Variants in INSYN2A observed in about 807,000 individuals in gnomAD.
INSYN2A encodes family with sequence similarity 196 member A.
A neutral mutation model predicts 39.4 loss-of-function variants in INSYN2A; 17 were observed. The ratio of observed to expected loss-of-function variants is 0.43; its 90% CI spans 0.30 to 0.65. INSYN2A has a LOEUF of 0.65. Among genes scored for constraint, INSYN2A ranks in the 30% least tolerant of loss-of-function variants. The pLI, the probability that INSYN2A is intolerant of heterozygous loss-of-function variation, is 0.14. For synonymous variants in INSYN2A, 255 were observed against 265.7 expected, an observed-to-expected ratio of 0.96 and a Z score of 0.39; for missense variants, 595 against 631.2, an observed-to-expected ratio of 0.94 and a Z score of 0.61.
At chr10:127,180,426 G>C (rs2055614839) in intron 2 of INSYN2A, among the ~76,000 whole-genome samples, 1 of 152,194 alleles carries the variant, frequency 6.6e-6, no homozygotes, top group Non-Finnish European at 1.5e-5. Flanking sequence ...TAAGAAAATT[G>C]TGTTTTAGAA....
At chr10:127,152,474 T>C (rs936185913) in intron 5 of INSYN2A, among the ~76,000 whole-genome samples, 6 of 152,048 alleles carry the variant, frequency 3.9e-5, no homozygotes, top group Admixed American at 3.3e-4. Context: ...CAGGGGCCCC[T>C]CCTCCCTTCC....
chr10:127,140,846 C>T (rs1183186536), intron 5 of INSYN2A, among the ~76,000 whole-genome samples: 1 of 152,214 alleles, frequency 6.6e-6, no homozygotes, highest in East Asian at 1.9e-4. Context: ...GAAAAGCTGC[C>T]GGTAGATGTT....
At chr10:127,152,519 T>C (rs2052604964) in intron 5 of INSYN2A, among the ~76,000 whole-genome samples, 1 of 152,214 alleles carries the variant, frequency 6.6e-6, no homozygotes, top group Non-Finnish European at 1.5e-5. Context: ...TGTGTGTGCC[T>C]CTTACAACAC....
intron 4 of INSYN2A, among the ~76,000 whole-genome samples, chr10:127,155,618 C>T (rs949784342): frequency 5.3e-5 from 8 of 152,152 alleles, no homozygotes; most frequent in African/African-American, 1.9e-4. Context: ...GTAGTCCTTA[C>T]CCCTTTCCTC....
In INSYN2A at chr10:127,175,612, TGAGG is replaced by T; in HGVS notation, c.780_783del (p.Leu261ValfsTer103). ...AAACCAGGCTCGGGGGCCCTGGCAC[TGAGG>T]GCAGGTGCGTAAACGGTGGCAACCT... is the stretch of plus-strand genomic sequence containing the variant. On this transcript the variant is annotated frameshift_variant, in exon 4 of 6. Transcript: ENST00000522781. LOFTEE classifies it high-confidence loss of function. This position sits in a 1 kb window ranked among gnomAD's most constrained non-coding sequence, Gnocchi z 6.3. 1 of 1,612,988 alleles carries T rather than the reference TGAGG, an allele frequency of 6.2e-7. No individual in the cohort carries two copies. Among genetic ancestry groups the T allele is most frequent in the Non-Finnish European group, 8.5e-7 (1 of 1,179,934 alleles).
At chr10:127,149,147 C>T (rs1035048758) in intron 5 of INSYN2A, among the ~76,000 whole-genome samples, 8 of 152,184 alleles carry the variant, frequency 5.3e-5, no homozygotes, top group Non-Finnish European at 5.9e-5. Flanking sequence ...CCCATAGTTA[C>T]ATCCCTTGCA....
chr10:127,157,478 T>G (rs560978392), intron 4 of INSYN2A, among the ~76,000 whole-genome samples: 1 of 152,358 alleles, frequency 6.6e-6, no homozygotes, highest in African/African-American at 2.4e-5. Context: ...ATGGAAACAC[T>G]TCTTGACTTT....
intron 5 of INSYN2A, chr10:127,145,928 C>T: frequency 2.0e-6 from 1 of 496,386 alleles, no homozygotes; most frequent in Non-Finnish European, 4.0e-6. Flanking sequence ...GCAGGAGGTC[C>T]CTTCTCAAAC....
intron 4 of INSYN2A, among the ~76,000 whole-genome samples, chr10:127,174,541 G>A (rs193118767): frequency 2.6e-4 from 39 of 152,264 alleles, no homozygotes; most frequent in African/African-American, 8.4e-4. Flanking sequence ...AGTATTGGCC[G>A]TGAAGTTAGT....
chr10:127,177,413 C>T (rs1419861212), intron 2 of INSYN2A, among the ~76,000 whole-genome samples: 1 of 152,216 alleles, frequency 6.6e-6, no homozygotes, highest in Non-Finnish European at 1.5e-5. Context: ...CTGTTTATTG[C>T]ACATGGAAGA....
chr10:127,145,787 T>G, intron 5 of INSYN2A: 1 of 312,966 alleles, frequency 3.2e-6, no homozygotes, highest in South Asian at 2.5e-5. Context: ...TCCATCCTGA[T>G]ACCCATTGAG....
At chr10:127,195,650 G>A (rs961180792) in intron 1 of INSYN2A, among the ~76,000 whole-genome samples, 1 of 152,156 alleles carries the variant, frequency 6.6e-6, no homozygotes, top group South Asian at 2.1e-4. Context: ...GCCTGGCTAG[G>A]GCTGTCGGGC....
At chr10:127,164,159 C>CTTTTTTTT (rs528947051) in intron 4 of INSYN2A, among the ~76,000 whole-genome samples, 2 of 63,582 alleles carry the variant, frequency 3.1e-5, no homozygotes, top group African/African-American at 6.1e-5. Context: ...CATTTGCCTC[C>CTTTTTTTT]TTTTTTTTTT....
At chr10:127,177,162 A>G (rs1283661834) in intron 2 of INSYN2A, 23 bp from the exon 3 acceptor site, 1 of 152,152 alleles carries the variant, frequency 6.6e-6, no homozygotes, top group African/African-American at 2.4e-5. Context: ...AATAAAAGAA[A>G]TTACTCATTC....
intron 5 of INSYN2A, among the ~76,000 whole-genome samples, chr10:127,145,361 T>G (rs949296275): frequency 6.6e-6 from 1 of 152,092 alleles, no homozygotes; most frequent in African/African-American, 2.4e-5. Flanking sequence ...TCTTATGCCA[T>G]CCCCCTAGGA....
At chr10:127,181,339 G>A (rs1306267034) in intron 2 of INSYN2A, among the ~76,000 whole-genome samples, 2 of 152,196 alleles carry the variant, frequency 1.3e-5, no homozygotes, top group African/African-American at 2.4e-5. Context: ...AGGCAATTTT[G>A]TGGGGTTCCA....
intron 4 of INSYN2A, among the ~76,000 whole-genome samples, chr10:127,159,846 A>T (rs1171386570): frequency 3.3e-5 from 5 of 152,180 alleles, no homozygotes; most frequent in Non-Finnish European, 5.9e-5. Context: ...GAGCCGCACC[A>T]TGGCCACGTC....
chr10:127,176,349 C>G lies in INSYN2A; in HGVS notation c.47G>C (p.Ser16Thr). Reference protein sequence around the residue: ...TGKCILTTSESEVEPAACLAL... With the variant: ...TGKCILTTSETEVEPAACLAL... ...CAGGCAGGCGGCGGGTTCCACTTCACTCTCCGACGTTGTGAGTATGCATTT... is the reference window on the plus strand; with the variant it reads ...CAGGCAGGCGGCGGGTTCCACTTCAGTCTCCGACGTTGTGAGTATGCATTT... Residue 16 changes from serine to threonine, a missense_variant, in exon 4 of 6, where the codon AGT becomes ACT. Physicochemically the swap from Ser to Thr is moderately conservative, Grantham distance 58 (BLOSUM62 1). This residue lies in a region of INSYN2A where 478 missense variants were observed against 467.4 expected (regional missense o/e 1.02). Coordinates refer to ENST00000522781, the MANE Select transcript of INSYN2A (RefSeq NM_001039762.3). The surrounding 1 kb of genome is among the most constrained non-coding windows in gnomAD (Gnocchi z 4.4). The G allele has an allele frequency of 6.2e-7, 1 of 1,613,624 alleles. No individual in the cohort carries two copies. The highest frequency in any genetic ancestry group is 2.2e-5 in the East Asian group (1 of 44,870).
At chr10:127,140,149 C>G (rs1483182845) in intron 5 of INSYN2A, among the ~76,000 whole-genome samples, 2 of 152,300 alleles carry the variant, frequency 1.3e-5, no homozygotes, top group East Asian at 3.9e-4. Context: ...ATCTCCTAGG[C>G]TAACAGTACA....
Sources: allele counts gnomAD v4.1 joint callset (sites outside exome capture counted in the v4.1 genomes callset), GRCh38; gene constraint gnomAD v4.1.1; regional missense constraint gnomAD v4.1.1; non-coding constraint Gnocchi (gnomAD v3.1); transcripts MANE v1.5; gene names NCBI Gene and HGNC (gene_info 2026-07-23, HGNC 2026-07-21).